Variants in WIF1 observed in about 807,000 individuals in gnomAD.
WIF1 encodes Wnt inhibitory factor 1.
WIF1 carries 35 observed loss-of-function variants against 53.5 expected under a neutral mutation model. That is an observed-to-expected ratio of 0.65 (90% CI 0.50 to 0.87). The LOEUF (loss-of-function observed/expected upper bound fraction) is 0.87. Ranked by LOEUF, WIF1 falls within the 40% of genes least tolerant of loss-of-function variation. The pLI is 0.00. For missense variants in WIF1, 467 were observed against 476.8 expected, an observed-to-expected ratio of 0.98 and a Z score of 0.19; for synonymous variants, 171 against 170.4, an observed-to-expected ratio of 1.00 and a Z score of -0.03.
intron 2 of WIF1, among the ~76,000 whole-genome samples, chr12:65,087,085 G>T (rs1376234658): frequency 6.6e-6 from 1 of 152,208 alleles, no homozygotes; most frequent in Non-Finnish European, 1.5e-5. Flanking sequence ...GGGAGGCAGA[G>T]GTTGCTGTGA....
chr12:65,076,896 CAAA>C (rs532201144), intron 3 of WIF1, among the ~76,000 whole-genome samples: 1 of 132,162 alleles, frequency 7.6e-6, no homozygotes, highest in African/African-American at 2.7e-5. Flanking sequence ...AGGTTAAAAG[CAAA>C]AAAAAAAAAT....
intron 2 of WIF1, among the ~76,000 whole-genome samples, chr12:65,120,064 A>G (rs538701408): frequency 4.2e-4 from 64 of 152,358 alleles, no homozygotes; most frequent in African/African-American, 1.5e-3. Context: ...GTCACAAGTG[A>G]TTAGAAACTA....
At chr12:65,065,545 T>G (rs1316467065) in intron 6 of WIF1, among the ~76,000 whole-genome samples, 1 of 152,194 alleles carries the variant, frequency 6.6e-6, no homozygotes, top group Non-Finnish European at 1.5e-5. Context: ...TGACTCATAC[T>G]GAAGGCTCTT....
intron 3 of WIF1, among the ~76,000 whole-genome samples, chr12:65,075,928 A>G (rs1882853727): frequency 6.6e-6 from 1 of 152,236 alleles, no homozygotes; most frequent in Non-Finnish European, 1.5e-5. Flanking sequence ...TGAGCATGGT[A>G]CACATTTTTC....
chr12:65,121,008 A>G, intron 1 of WIF1, 36 bp downstream of exon 1: 1 of 1,430,432 alleles, frequency 7.0e-7, no homozygotes. Context: ...AGAGGAGGAC[A>G]TAGGCAGGGG....
chr12:65,089,470 A>G (rs1357228862), intron 2 of WIF1, among the ~76,000 whole-genome samples: 4 of 152,084 alleles, frequency 2.6e-5, no homozygotes, highest in Admixed American at 2.6e-4. Context: ...TTTTCTTCTT[A>G]AATGCCAACT....
intron 6 of WIF1, among the ~76,000 whole-genome samples, chr12:65,063,140 A>G (rs1413840853): frequency 6.6e-6 from 1 of 152,212 alleles, no homozygotes; most frequent in East Asian, 1.9e-4. Flanking sequence ...CTGTGGGCCC[A>G]GGTGAGATCC....
chr12:65,058,064 C>T (rs1336946923), intron 7 of WIF1, among the ~76,000 whole-genome samples: 2 of 146,482 alleles, frequency 1.4e-5, no homozygotes, highest in South Asian at 4.5e-4. Context: ...AACAGAATAT[C>T]ACCTCTTCAT....
intron 6 of WIF1, 108 bp from the exon 7 acceptor site, chr12:65,062,684 C>T (rs1242694031): frequency 2.1e-6 from 2 of 935,624 alleles, no homozygotes; most frequent in African/African-American, 1.7e-5. Flanking sequence ...GCTACTTGCC[C>T]ATTTCCTGAC....
intron 1 of WIF1, 50 bp from the exon 2 acceptor site, chr12:65,120,606 C>G: frequency 6.4e-7 from 1 of 1,570,714 alleles, no homozygotes. Context: ...TTGAAATCAT[C>G]TAAATCAGAA....
chr12:65,105,634 T>C (rs1883340961), intron 2 of WIF1, among the ~76,000 whole-genome samples: 1 of 152,120 alleles, frequency 6.6e-6, no homozygotes, highest in African/African-American at 2.4e-5. Flanking sequence ...AGGGTGTAGC[T>C]GAGAAGGCTT....
intron 2 of WIF1, among the ~76,000 whole-genome samples, chr12:65,089,804 C>T (rs776063743): frequency 1.3e-5 from 2 of 152,134 alleles, no homozygotes; most frequent in Non-Finnish European, 2.9e-5. Flanking sequence ...TTTCCTGTCC[C>T]CTTCCTCATC....
At chr12:65,118,072 A>G (rs1402941128) in intron 2 of WIF1, among the ~76,000 whole-genome samples, 1 of 152,226 alleles carries the variant, frequency 6.6e-6, no homozygotes, top group African/African-American at 2.4e-5. Context: ...TTCAATCCTG[A>G]GGTTATTTTA....
At chr12:65,109,986 CT>C (rs1883405678) in intron 2 of WIF1, among the ~76,000 whole-genome samples, 1 of 152,114 alleles carries the variant, frequency 6.6e-6, no homozygotes, top group Non-Finnish European at 1.5e-5. Flanking sequence ...AGAAGAGAAT[CT>C]TTATGCTTTG....
chr12:65,093,712 T>G (rs1174821047), intron 2 of WIF1, among the ~76,000 whole-genome samples: 1 of 152,120 alleles, frequency 6.6e-6, no homozygotes. Flanking sequence ...AACTGTCATC[T>G]TTTAGTGATG....
chr12:65,106,373 A>ATT (rs778399925), intron 2 of WIF1, among the ~76,000 whole-genome samples: 16 of 142,336 alleles, frequency 1.1e-4, no homozygotes, highest in Admixed American at 3.5e-4. Context: ...ATATATATAT[A>ATT]TTTTTTTTTA....
chr12:65,119,498 A>G (rs1420537409), intron 2 of WIF1, among the ~76,000 whole-genome samples: 1 of 152,226 alleles, frequency 6.6e-6, no homozygotes, highest in Non-Finnish European at 1.5e-5. Flanking sequence ...AATTCAAAAT[A>G]GTTATTTTTT....
At chr12:65,106,904 G>T (rs1049383133) in intron 2 of WIF1, among the ~76,000 whole-genome samples, 2 of 152,190 alleles carry the variant, frequency 1.3e-5, no homozygotes, top group Admixed American at 1.3e-4. Flanking sequence ...TTACTTAAAA[G>T]AAAAAGAATA....
chr12:65,073,058 G>A (rs1882808442), intron 3 of WIF1, among the ~76,000 whole-genome samples: 2 of 152,176 alleles, frequency 1.3e-5, no homozygotes, highest in Non-Finnish European at 2.9e-5. Flanking sequence ...ACACAGATGG[G>A]CATGGTGCTC....
Sources: gnomAD v4.1 joint callset for allele counts (sites outside exome capture counted in the v4.1 genomes callset) on GRCh38, gnomAD v4.1.1 for gene constraint, MANE v1.5 for transcripts, NCBI Gene and HGNC (gene_info 2026-07-23, HGNC 2026-07-21) for gene names.